The following FSTL5 variants were observed in gnomAD, a reference collection of about 807,000 sequenced individuals.
The protein encoded by FSTL5 is follistatin like 5.
FSTL5 carries 62 observed loss-of-function variants against 89.1 expected under a neutral mutation model. The observed-to-expected ratio is 0.70, with a 90% CI of 0.57 to 0.86. The LOEUF (loss-of-function observed/expected upper bound fraction) is 0.86, where lower values mean the gene tolerates loss of function less well. Ranked by LOEUF, FSTL5 falls within the 40% of genes least tolerant of loss-of-function variation. The pLI, the probability that FSTL5 is intolerant of heterozygous loss-of-function variation, is 0.00. For synonymous variants in FSTL5, 383 were observed against 346.2 expected, an observed-to-expected ratio of 1.11 and a Z score of -1.18; for missense variants, 1,057 against 1,001.6, an observed-to-expected ratio of 1.06 and a Z score of -0.75.
At position 161,818,304 on chromosome 4, in the gene FSTL5, G is replaced by A. The variant is rs191197235; in HGVS notation, c.410-42230C>T. Among the ~76,000 whole-genome samples the A allele has an allele frequency of 1.9e-3, 289 of 152,282 alleles. 1 individual carries two copies. Among genetic ancestry groups the A allele is most frequent in the African/African-American group, 6.5e-3 (270 of 41,570 alleles). On this transcript the variant is annotated intron_variant, in intron 4 of 15. Transcript: ENST00000306100. ...TCCTTCCGGCTCCCCCACCTGCTGAGAGCTACTTCCACTCAATAAAACCTT... is the reference window on the plus strand; with the variant it reads ...TCCTTCCGGCTCCCCCACCTGCTGAAAGCTACTTCCACTCAATAAAACCTT...
At chr4:161,609,894 T>C (rs1734579439) in intron 7 of FSTL5, among the ~76,000 whole-genome samples, 1 of 152,132 alleles carries the variant, frequency 6.6e-6, no homozygotes, top group Non-Finnish European at 1.5e-5. Context: ...CTCGTAAATA[T>C]GGTCCAGAAC....
intron 2 of FSTL5, among the ~76,000 whole-genome samples, chr4:162,105,501 C>T (rs1731189729): frequency 6.6e-6 from 1 of 152,012 alleles, no homozygotes; most frequent in Admixed American, 6.6e-5. Context: ...ACCTAGGACT[C>T]TGATTTTTTA....
At chr4:161,621,385 T>C (rs1340814558) in intron 7 of FSTL5, among the ~76,000 whole-genome samples, 1 of 151,556 alleles carries the variant, frequency 6.6e-6, no homozygotes, top group Non-Finnish European at 1.5e-5. Flanking sequence ...CATTGAAATA[T>C]AAGATTTCAA....
At chr4:162,000,931 G>A (rs1736445948) in intron 3 of FSTL5, among the ~76,000 whole-genome samples, 1 of 152,058 alleles carries the variant, frequency 6.6e-6, no homozygotes, top group African/African-American at 2.4e-5. Flanking sequence ...AATTTGCCAA[G>A]GTATTAAAAC....
At chr4:162,044,446 G>T (rs778559248) in intron 2 of FSTL5, among the ~76,000 whole-genome samples, 1 of 152,060 alleles carries the variant, frequency 6.6e-6, no homozygotes. Context: ...TTCTTCTTTC[G>T]TTTATAGAGC....
intron 2 of FSTL5, among the ~76,000 whole-genome samples, chr4:162,098,710 T>C (rs1339923404): frequency 6.6e-6 from 1 of 152,042 alleles, no homozygotes; most frequent in Admixed American, 6.6e-5. Flanking sequence ...TGGCTGGTAT[T>C]GATGAAAGAA....
At chr4:161,884,068 T>G (rs1407289665) in intron 4 of FSTL5, among the ~76,000 whole-genome samples, 2 of 151,944 alleles carry the variant, frequency 1.3e-5, no homozygotes, top group African/African-American at 2.4e-5. Flanking sequence ...TAATTTTTTT[T>G]GAGACGGAGT....
At chr4:161,531,143 T>G (rs1461463817) in intron 10 of FSTL5, among the ~76,000 whole-genome samples, 1 of 152,166 alleles carries the variant, frequency 6.6e-6, no homozygotes, top group Non-Finnish European at 1.5e-5. Context: ...AAGCACATAT[T>G]TTTTGTCATT....
At chr4:162,054,917 A>C (rs1738489996) in intron 2 of FSTL5, among the ~76,000 whole-genome samples, 1 of 151,888 alleles carries the variant, frequency 6.6e-6, no homozygotes, top group African/African-American at 2.4e-5. Flanking sequence ...TAAAGACATA[A>C]GAAATCATTT....
At chr4:161,476,185 T>TTG (rs1560913634) in intron 13 of FSTL5, among the ~76,000 whole-genome samples, 1 of 90,582 alleles carries the variant, frequency 1.1e-5, no homozygotes, top group African/African-American at 3.8e-5. Context: ...TTTTTTTTTT[T>TTG]TTTGTTTGTT....
chr4:162,076,022 C>G (rs1319935805), intron 2 of FSTL5, among the ~76,000 whole-genome samples: 1 of 151,826 alleles, frequency 6.6e-6, no homozygotes, highest in Non-Finnish European at 1.5e-5. Flanking sequence ...ATCCAAATCT[C>G]TTTCTTAGTT....
At chr4:161,652,567 A>G (rs1736377621) in intron 7 of FSTL5, among the ~76,000 whole-genome samples, 1 of 152,198 alleles carries the variant, frequency 6.6e-6, no homozygotes, top group South Asian at 2.1e-4. Context: ...CATCCTATTA[A>G]AGAAATAAAA....
At chr4:161,963,907 A>C (rs888652974) in intron 3 of FSTL5, among the ~76,000 whole-genome samples, 2 of 151,974 alleles carry the variant, frequency 1.3e-5, no homozygotes, top group East Asian at 3.9e-4. Context: ...TGATTGTAAT[A>C]GTGATCTTAT....
At chr4:161,758,812 A>C (rs1740674166) in intron 6 of FSTL5, among the ~76,000 whole-genome samples, 1 of 152,170 alleles carries the variant, frequency 6.6e-6, no homozygotes, top group Non-Finnish European at 1.5e-5. Flanking sequence ...GGCACCCATT[A>C]GCGGCCTCTT....
chr4:161,828,856 T>A (rs983105110), intron 4 of FSTL5, among the ~76,000 whole-genome samples: 2 of 152,008 alleles, frequency 1.3e-5, no homozygotes, highest in African/African-American at 2.4e-5. Context: ...GCAACCTGCA[T>A]ACAAAGAAAG....
chr4:161,727,125 T>G (rs1166306976), intron 6 of FSTL5, among the ~76,000 whole-genome samples: 1 of 152,164 alleles, frequency 6.6e-6, no homozygotes, highest in African/African-American at 2.4e-5. Context: ...TATATTTCTT[T>G]TGTGCTGCAT....
intron 8 of FSTL5, among the ~76,000 whole-genome samples, chr4:161,545,798 C>G (rs773676367): frequency 2.0e-5 from 3 of 151,912 alleles, no homozygotes; most frequent in Non-Finnish European, 4.4e-5. Flanking sequence ...TCTTAAAGAA[C>G]CTATTATCTT....
At chr4:161,523,205 G>A (rs1256538175) in intron 10 of FSTL5, among the ~76,000 whole-genome samples, 1 of 152,106 alleles carries the variant, frequency 6.6e-6, no homozygotes, top group Non-Finnish European at 1.5e-5. Flanking sequence ...AGATAATAAT[G>A]TTCTATAAGT....
At chr4:162,149,760 G>A (rs1450110194) in intron 1 of FSTL5, among the ~76,000 whole-genome samples, 1 of 151,980 alleles carries the variant, frequency 6.6e-6, no homozygotes, top group Non-Finnish European at 1.5e-5. Flanking sequence ...CACATATAGC[G>A]TGCTTCTGAA....
Sources: allele counts gnomAD v4.1 joint callset (sites outside exome capture counted in the v4.1 genomes callset), GRCh38; gene constraint gnomAD v4.1.1; transcripts MANE v1.5; gene names NCBI Gene and HGNC (gene_info 2026-07-23, HGNC 2026-07-21).